ZNF431: variants seen among roughly 807,000 people sequenced by gnomAD.
ZNF431 encodes zinc finger protein 431.
A neutral mutation model predicts 57.0 loss-of-function variants in ZNF431; 34 were observed. The observed-to-expected ratio is 0.60, with a 90% CI of 0.45 to 0.79. The LOEUF (loss-of-function observed/expected upper bound fraction) is 0.79, where lower values mean the gene tolerates loss of function less well. ZNF431 is among the 30% of genes least tolerant of loss of function. The pLI, the probability that ZNF431 is intolerant of heterozygous loss-of-function variation, is 0.00. For synonymous variants in ZNF431, 207 were observed against 220.3 expected, an observed-to-expected ratio of 0.94 and a Z score of 0.54; for missense variants, 607 against 667.1, an observed-to-expected ratio of 0.91 and a Z score of 0.99.
In ZNF431 at chr19:21,183,982, A is replaced by ATT; in HGVS notation, c.1680_1681dup (p.Ser561PhefsTer27). ...TCCTCAAACCTTATTAAACAAAATA[A>ATT]TTCATACTGGAGAGAAACTCTACAA... On this transcript the variant is annotated frameshift_variant, in exon 5 of 5. Transcript: ENST00000311048. LOFTEE classifies it high-confidence loss of function. The ATT allele has an allele frequency of 6.3e-7, 1 of 1,591,246 alleles. No homozygotes were observed. The highest frequency in any genetic ancestry group is 8.5e-7 in the Non-Finnish European group (1 of 1,171,722).
At chr19:21,156,506 T>G (rs1347474230) in intron 2 of ZNF431, among the ~76,000 whole-genome samples, 2 of 152,196 alleles carry the variant, frequency 1.3e-5, no homozygotes, top group African/African-American at 4.8e-5. Flanking sequence ...TATTTTTTTC[T>G]GATCCTTTTT....
At chr19:21,168,755 T>C (rs1970797175) in intron 4 of ZNF431, among the ~76,000 whole-genome samples, 2 of 152,192 alleles carry the variant, frequency 1.3e-5, no homozygotes, top group African/African-American at 2.4e-5. Context: ...CCTTCTTCGT[T>C]ATATTTGTTC....
At chr19:21,159,855 C>A (rs1280185276) in intron 2 of ZNF431, among the ~76,000 whole-genome samples, 1 of 151,976 alleles carries the variant, frequency 6.6e-6, no homozygotes, top group African/African-American at 2.4e-5. Context: ...ACTTGTTGGC[C>A]TATTCAGGGA....
intron 3 of ZNF431, 67 bp downstream of exon 3, chr19:21,166,528 AT>A: frequency 2.0e-6 from 3 of 1,516,354 alleles, no homozygotes; most frequent in South Asian, 1.3e-5. Flanking sequence ...TTTTTGTAGA[AT>A]TTTTTTGATA....
chr19:21,168,555 T>C (rs1970790541), intron 4 of ZNF431, among the ~76,000 whole-genome samples: 1 of 151,954 alleles, frequency 6.6e-6, no homozygotes, highest in Non-Finnish European at 1.5e-5. Context: ...TTTAATAGAG[T>C]TGGGGTTTCA....
Position 21,177,511 on chromosome 19 carries a change from G to A in ZNF431, c.320-5112G>A, listed in dbSNP as rs549257160. Among the ~76,000 whole-genome samples the A allele has an allele frequency of 1.8e-3, 279 of 152,280 alleles. 1 individual carries two copies. Among genetic ancestry groups the A allele is most frequent in the African/African-American group, 6.5e-3 (271 of 41,556 alleles). On this transcript the variant is annotated intron_variant, in intron 4 of 4. Coordinates refer to ENST00000311048, the MANE Select transcript of ZNF431 (RefSeq NM_133473.4). The stretch of plus-strand genomic sequence containing the variant: ...CCTAGAATTCTCTTGACTAGGCCAG[G>A]CACAGTGGCTCACGCCTGTAATCTC...
chr19:21,164,728 G>C (rs937885534), intron 2 of ZNF431, among the ~76,000 whole-genome samples: 26 of 151,938 alleles, frequency 1.7e-4, no homozygotes, highest in African/African-American at 5.6e-4. Flanking sequence ...TTAGTACTTG[G>C]AAACCTTCTC....
At position 21,183,683 on chromosome 19, in the gene ZNF431, A is replaced by G; in HGVS notation, c.1380A>G (p.Glu460=). 3 of 1,613,778 alleles carry G rather than the reference A, an allele frequency of 1.9e-6. No individual in the cohort carries two copies. Among genetic ancestry groups the G allele is most frequent in the Non-Finnish European group, 2.5e-6 (3 of 1,179,998 alleles). Residue 460 remains glutamate, a synonymous_variant, in exon 5 of 5, where the codon GAA becomes GAG. Transcript: ENST00000311048. The stretch of plus-strand genomic sequence containing the variant: ...GAGAGAAACCTTACAAATGTGAAGA[A>G]TGTGGCAAAGCTTTTAGCCAGTCAT... The part of the protein sequence containing the change: ...HTGEKPYKCE[E]CGKAFSQSSI...
At chr19:21,160,913 T>C (rs1970549910) in intron 2 of ZNF431, among the ~76,000 whole-genome samples, 1 of 152,184 alleles carries the variant, frequency 6.6e-6, no homozygotes, top group Non-Finnish European at 1.5e-5. Context: ...ATCATGCCTG[T>C]AATCCCAGCA....
intron 2 of ZNF431, among the ~76,000 whole-genome samples, chr19:21,162,145 TG>T (rs796208859): frequency 0.07 from 8,815 of 125,216 alleles, 336 homozygotes; most frequent in African/African-American, 0.093. Flanking sequence ...TCCAGCTAAT[TG>T]TGTGTGTGTG....
At chr19:21,169,442 C>T (rs533145868) in intron 4 of ZNF431, among the ~76,000 whole-genome samples, 4 of 152,168 alleles carry the variant, frequency 2.6e-5, no homozygotes, top group Admixed American at 2.6e-4. Context: ...GCAAACAACT[C>T]CTTAGCTTTT....
At chr19:21,144,698 T>C (rs1970034818) in intron 2 of ZNF431, among the ~76,000 whole-genome samples, 1 of 152,202 alleles carries the variant, frequency 6.6e-6, no homozygotes, top group African/African-American at 2.4e-5. Flanking sequence ...GCTTTTAGAA[T>C]GCTAGCTACC....
intron 2 of ZNF431, among the ~76,000 whole-genome samples, chr19:21,149,436 A>T (rs1023825637): frequency 6.6e-6 from 1 of 152,330 alleles, no homozygotes; most frequent in Middle Eastern, 3.4e-3. Context: ...TTACACTTTT[A>T]ACTTTTCTGA....
chr19:21,147,722 AG>A lies in ZNF431; in HGVS notation c.96+4080del, dbSNP rs1182820010. Among the ~76,000 whole-genome samples the A allele has an allele frequency of 2.0e-5, 3 of 152,250 alleles. No individual in the cohort carries two copies. In the East Asian group the frequency reaches 5.8e-4, roughly 29 times the overall value. On this transcript the variant is annotated intron_variant, in intron 2 of 4. Transcript: ENST00000311048. ...TTTACCATGAAGTCAGCATGTTCTT[AG>A]AAGAGACATAAAATAAGGTTGCATG... is the stretch of plus-strand genomic sequence containing the variant.
At chr19:21,175,243 A>G (rs1971018049) in intron 4 of ZNF431, among the ~76,000 whole-genome samples, 1 of 152,016 alleles carries the variant, frequency 6.6e-6, no homozygotes, top group Non-Finnish European at 1.5e-5. Context: ...TTCTGTAGAG[A>G]CAGTTTTTTG....
chr19:21,177,909 A>T (rs1241582926), intron 4 of ZNF431, among the ~76,000 whole-genome samples: 1 of 151,922 alleles, frequency 6.6e-6, no homozygotes, highest in African/African-American at 2.4e-5. Context: ...AATAGCATGG[A>T]ATCTATAAAT....
At chr19:21,178,336 TTCCAATACTATGTTAAA>T (rs1971115590) in intron 4 of ZNF431, among the ~76,000 whole-genome samples, 3 of 152,278 alleles carry the variant, frequency 2.0e-5, no homozygotes, top group South Asian at 4.1e-4. Context: ...TGGCCAGAAC[TTCCAATACTATGTTAAA>T]TAGGAGTGGT....
chr19:21,169,294 T>C (rs898771058), intron 4 of ZNF431, among the ~76,000 whole-genome samples: 1 of 152,176 alleles, frequency 6.6e-6, no homozygotes, highest in Non-Finnish European at 1.5e-5. Context: ...TTTTTACTTA[T>C]TTCTCTTTAA....
chr19:21,161,770 C>T (rs1031118336), intron 2 of ZNF431, among the ~76,000 whole-genome samples: 2 of 152,136 alleles, frequency 1.3e-5, no homozygotes, highest in African/African-American at 4.8e-5. Flanking sequence ...TCTCCTGCCT[C>T]ATCCTCCCGA....
Sources: gnomAD v4.1 joint callset for allele counts (sites outside exome capture counted in the v4.1 genomes callset) on GRCh38, gnomAD v4.1.1 for gene constraint, MANE v1.5 for transcripts, NCBI Gene and HGNC (gene_info 2026-07-23, HGNC 2026-07-21) for gene names.